The following ZBTB46 variants were observed in gnomAD, a reference collection of about 807,000 sequenced individuals.
The protein encoded by ZBTB46 is zinc finger and BTB domain-containing protein 46.
A neutral mutation model predicts 44.1 loss-of-function variants in ZBTB46; 8 were observed. That is an observed-to-expected ratio of 0.18 (90% CI 0.11 to 0.33). The LOEUF is 0.33. Among genes scored for constraint, ZBTB46 ranks in the 10% least tolerant of loss-of-function variants. The pLI is 1.00. For synonymous variants in ZBTB46, 409 were observed against 382.3 expected (o/e 1.07, Z -0.81); for missense variants, 651 against 847.7 (o/e 0.77, Z 2.88).
Position 63,762,178 on chromosome 20 carries a change from T to A in ZBTB46, c.1223-9317A>T, listed in dbSNP as rs185129056. Among the ~76,000 whole-genome samples the A allele has an allele frequency of 2.6e-5, 4 of 152,332 alleles. No individual in the cohort carries two copies. In the East Asian group the frequency reaches 7.7e-4, roughly 29 times the overall value. ...GAATAGCAGCTTGTGACCAGATGTGTTTATTTCCAGGAATTCAAGGTGAAT... is the reference window on the plus strand; with the variant it reads ...GAATAGCAGCTTGTGACCAGATGTGATTATTTCCAGGAATTCAAGGTGAAT... On this transcript the variant is annotated intron_variant, in intron 3 of 4. Coordinates refer to ENST00000245663, the MANE Select transcript of ZBTB46 (RefSeq NM_001369741.1).
intron 1 of ZBTB46, among the ~76,000 whole-genome samples, chr20:63,798,236 C>T (rs553329022): frequency 2.0e-5 from 3 of 152,200 alleles, no homozygotes; most frequent in Admixed American, 2.0e-4. Context: ...TTTCCCAGCA[C>T]CATTTATTAA....
chr20:63,830,906 C>T (rs890469918), intron 1 of ZBTB46, among the ~76,000 whole-genome samples, 191 bp downstream of exon 1: 1 of 142,422 alleles, frequency 7.0e-6, no homozygotes, highest in Non-Finnish European at 1.6e-5. Flanking sequence ...GCCCCCGGAG[C>T]CCGCGCCGCA....
intron 1 of ZBTB46, among the ~76,000 whole-genome samples, chr20:63,826,348 C>T (rs528984251): frequency 5.6e-4 from 86 of 152,310 alleles, no homozygotes; most frequent in African/African-American, 1.9e-3. Context: ...AGGACTGAGT[C>T]GCTAGTAAGT....
chr20:63,814,304 A>G (rs1043866544), intron 1 of ZBTB46, among the ~76,000 whole-genome samples: 2 of 151,974 alleles, frequency 1.3e-5, no homozygotes, highest in Admixed American at 1.3e-4. Flanking sequence ...GGGAGAGATG[A>G]GTAAGACAAG....
rs1249663224 is a variant in ZBTB46, at chr20:63,830,557, C to G, written c.-34+540G>C. On this transcript the variant is annotated intron_variant, in intron 1 of 4. Coordinates refer to ENST00000245663, the MANE Select transcript of ZBTB46 (RefSeq NM_001369741.1). Reference sequence around the variant, plus strand: ...GGCGCCGGGACCCGCCCGCGCCCACCTCCCGCAGTTCCGACTCTTGGCAAA... The same window carrying G: ...GGCGCCGGGACCCGCCCGCGCCCACGTCCCGCAGTTCCGACTCTTGGCAAA... 4.0e-5 allele frequency among the ~76,000 whole-genome samples: 6 copies of G among 150,484 alleles called. No homozygotes were observed. The East Asian group carries it at 9.9e-4, about 25-fold the overall frequency.
chr20:63,787,289 C>T lies in ZBTB46; in HGVS notation c.937+2532G>A, dbSNP rs1188833620. On this transcript the variant is annotated intron_variant, in intron 2 of 4. Transcript: ENST00000245663. This position sits in a 1 kb window ranked among gnomAD's most constrained non-coding sequence, Gnocchi z 4.6. Reference sequence around the variant, plus strand: ...TAGCCATCGCCATCCTAGCCATCGCCATCCTAGCCATCGCCACATCCTAGC... The same window carrying T: ...TAGCCATCGCCATCCTAGCCATCGCTATCCTAGCCATCGCCACATCCTAGC... Among the ~76,000 whole-genome samples, 1 of 152,156 alleles carries T rather than the reference C, an allele frequency of 6.6e-6. No individual in the cohort carries two copies. The highest frequency in any genetic ancestry group is 1.5e-5 in the Non-Finnish European group (1 of 68,026).
intron 1 of ZBTB46, among the ~76,000 whole-genome samples, chr20:63,800,724 G>A (rs892567922): frequency 3.3e-5 from 5 of 152,214 alleles, no homozygotes; most frequent in South Asian, 2.1e-4. Flanking sequence ...CAGCAGTGCC[G>A]GCCCACCGGC....
intron 1 of ZBTB46, among the ~76,000 whole-genome samples, chr20:63,826,334 GAGA>G (rs2092819179): frequency 6.6e-6 from 1 of 152,240 alleles, no homozygotes. Flanking sequence ...GGGGGAAACT[GAGA>G]AGGACTGAGT....
chr20:63,777,673 G>C (rs1247292058), intron 2 of ZBTB46, among the ~76,000 whole-genome samples: 5 of 152,152 alleles, frequency 3.3e-5, no homozygotes, highest in Non-Finnish European at 7.3e-5. Context: ...AGACACAAAA[G>C]CTCACAGAAA....
intron 1 of ZBTB46, among the ~76,000 whole-genome samples, chr20:63,796,112 G>A (rs1194261421): frequency 6.6e-6 from 1 of 152,248 alleles, no homozygotes; most frequent in Non-Finnish European, 1.5e-5. Context: ...TCCATTTGCT[G>A]CACTGTGTGT....
intron 2 of ZBTB46, among the ~76,000 whole-genome samples, chr20:63,777,101 GCACACGCCACGGTTCCAC>G (rs1333029593): frequency 2.7e-4 from 12 of 44,994 alleles, no homozygotes; most frequent in South Asian, 1.9e-3. Context: ...CACGGTTCCA[GCACACGCCACGGTTCCAC>G]CACACGCCAC....
intron 1 of ZBTB46, among the ~76,000 whole-genome samples, chr20:63,795,134 G>A (rs1181975213): frequency 2.0e-5 from 3 of 152,184 alleles, no homozygotes; most frequent in Non-Finnish European, 4.4e-5. Context: ...TCCAAACACC[G>A]CCTCAGCTTT....
At chr20:63,764,193 T>C (rs926905503) in intron 3 of ZBTB46, among the ~76,000 whole-genome samples, 1 of 152,178 alleles carries the variant, frequency 6.6e-6, no homozygotes, top group Non-Finnish European at 1.5e-5. Flanking sequence ...TCCCAGCACT[T>C]TGTGAGGCCA....
At chr20:63,809,235 G>A (rs567909910) in intron 1 of ZBTB46, among the ~76,000 whole-genome samples, 1 of 128,140 alleles carries the variant, frequency 7.8e-6, no homozygotes, top group South Asian at 2.7e-4. Flanking sequence ...GCAGCCCTGG[G>A]GGCGCAGCCC....
intron 2 of ZBTB46, 82 bp from the exon 3 acceptor site, chr20:63,776,044 C>T: frequency 6.9e-7 from 1 of 1,454,370 alleles, no homozygotes; most frequent in African/African-American, 1.4e-5. Context: ...TTTAGAAGGA[C>T]AGCGACCAGC....
intron 1 of ZBTB46, among the ~76,000 whole-genome samples, chr20:63,810,549 C>T (rs2092711739): frequency 6.6e-6 from 1 of 152,068 alleles, no homozygotes; most frequent in African/African-American, 2.4e-5. Flanking sequence ...AGTTTGAGAC[C>T]GTCCTGGCCT....
At chr20:63,778,952 C>T (rs1469645382) in intron 2 of ZBTB46, among the ~76,000 whole-genome samples, 7 of 152,200 alleles carry the variant, frequency 4.6e-5, no homozygotes, top group Non-Finnish European at 1.0e-4. Flanking sequence ...GCCAGCAGAT[C>T]TGCTGTCTGG....
At chr20:63,757,568 G>T (rs2092232022) in intron 3 of ZBTB46, among the ~76,000 whole-genome samples, 1 of 152,146 alleles carries the variant, frequency 6.6e-6, no homozygotes, top group East Asian at 1.9e-4. Context: ...CACCACCACA[G>T]CGTCTCCACG....
chr20:63,743,995 T>A lies in ZBTB46; in HGVS notation c.*2935A>T, dbSNP rs2145727192. On this transcript the variant is annotated 3_prime_UTR_variant, in exon 5 of 5. Coordinates refer to ENST00000245663, the MANE Select transcript of ZBTB46 (RefSeq NM_001369741.1). ...AACACTGCCCTTTTTTTGTGTGTTTTGTTTTTGTTGACAGGTTGAAAGCAT... is the reference window on the plus strand; with the variant it reads ...AACACTGCCCTTTTTTTGTGTGTTTAGTTTTTGTTGACAGGTTGAAAGCAT... 1 of 149,384 alleles carries A rather than the reference T, an allele frequency of 6.7e-6. No homozygotes were observed. The highest frequency in any genetic ancestry group is 2.6e-5 in the African/African-American group (1 of 38,416). The allele number at this position is 149,384 out of a possible 1,614,324, so 9.3% of individuals were successfully genotyped here. A position where few individuals can be genotyped will look rare whatever the true frequency, so the allele number is the denominator to read the frequency against.
Sources: allele counts gnomAD v4.1 joint callset (sites outside exome capture counted in the v4.1 genomes callset), GRCh38; gene constraint gnomAD v4.1.1; non-coding constraint Gnocchi (gnomAD v3.1); transcripts MANE v1.5; gene names NCBI Gene and HGNC (gene_info 2026-07-23, HGNC 2026-07-21).